The following NR2F1-AS1 variants were observed in gnomAD, a reference collection of about 807,000 sequenced individuals.
The protein encoded by NR2F1-AS1 is NR2F1 regulatory antisense RNA 1.
chr5:93,541,071 G>C (rs762230851), intron 4 of NR2F1-AS1, among the ~76,000 whole-genome samples: 1 of 152,144 alleles, frequency 6.6e-6, no homozygotes, highest in African/African-American at 2.4e-5. Flanking sequence ...TCTACCTGCA[G>C]ATTCTGTCCT....
chr5:93,489,945 A>G (rs1750801851), intron 4 of NR2F1-AS1, among the ~76,000 whole-genome samples: 1 of 152,214 alleles, frequency 6.6e-6, no homozygotes, highest in Non-Finnish European at 1.5e-5. Flanking sequence ...CTTCTGAAAA[A>G]GGAAAATGAA....
intron 4 of NR2F1-AS1, among the ~76,000 whole-genome samples, chr5:93,484,170 T>C (rs543162158): frequency 6.6e-6 from 1 of 152,038 alleles, no homozygotes; most frequent in Admixed American, 6.5e-5. Context: ...AAGGTTGAAA[T>C]GAAGGAAACA....
chr5:93,504,632 G>C (rs1310457049), intron 4 of NR2F1-AS1, among the ~76,000 whole-genome samples: 1 of 151,984 alleles, frequency 6.6e-6, no homozygotes, highest in Non-Finnish European at 1.5e-5. Context: ...CACGGTGGGA[G>C]GCAAAAGGCA....
At position 93,495,109 on chromosome 5, in the gene NR2F1-AS1, T is replaced by G. The variant is rs115114243; in HGVS notation, n.638+58652A>C. Among the ~76,000 whole-genome samples the G allele has an allele frequency of 2.4e-3, 368 of 152,290 alleles. 2 individuals are homozygous for G. Among genetic ancestry groups the G allele is most frequent in the African/African-American group, 8.3e-3 (347 of 41,562 alleles). On this transcript the variant is annotated intron_variant and non_coding_transcript_variant, in intron 4 of 5. Transcript: ENST00000660523. ...TTATATAAATAACTACTTATACAAT[T>G]TGGTGTGGTTTTCTTTGATTCTTTC...
intron 4 of NR2F1-AS1, among the ~76,000 whole-genome samples, chr5:93,434,772 T>C (rs745733195): frequency 1.4e-4 from 21 of 152,326 alleles, no homozygotes; most frequent in Non-Finnish European, 2.5e-4. Context: ...CCTTTGTAAA[T>C]AGTACATGCA....
intron 4 of NR2F1-AS1, among the ~76,000 whole-genome samples, chr5:93,440,796 A>G (rs1749552192): frequency 6.6e-6 from 1 of 152,212 alleles, no homozygotes; most frequent in Non-Finnish European, 1.5e-5. Flanking sequence ...TTGCAGTTTC[A>G]GCACTACCAG....
intron 4 of NR2F1-AS1, among the ~76,000 whole-genome samples, chr5:93,485,913 C>T (rs1221750687): frequency 7.2e-6 from 1 of 139,514 alleles, no homozygotes; most frequent in East Asian, 2.0e-4. Flanking sequence ...CACATATACA[C>T]CATGGAATAC....
chr5:93,445,934 A>C (rs1193704898), intron 4 of NR2F1-AS1, among the ~76,000 whole-genome samples: 1 of 152,232 alleles, frequency 6.6e-6, no homozygotes, highest in African/African-American at 2.4e-5. Context: ...ATATAAACAG[A>C]ACCAAAGATA....
intron 4 of NR2F1-AS1, among the ~76,000 whole-genome samples, chr5:93,452,732 G>C (rs767760046): frequency 6.6e-6 from 1 of 152,134 alleles, no homozygotes; most frequent in Non-Finnish European, 1.5e-5. Flanking sequence ...TAGTACAGGA[G>C]GTATTTGTAG....
chr5:93,461,046 C>T (rs1750079489), intron 4 of NR2F1-AS1, among the ~76,000 whole-genome samples: 1 of 152,190 alleles, frequency 6.6e-6, no homozygotes, highest in Admixed American at 6.6e-5. Flanking sequence ...ATGTTCATTG[C>T]AGCACTTTTC....
intron 4 of NR2F1-AS1, among the ~76,000 whole-genome samples, chr5:93,454,754 C>T (rs1249011324): frequency 6.6e-6 from 1 of 152,124 alleles, no homozygotes; most frequent in African/African-American, 2.4e-5. Flanking sequence ...ATGACTTAAT[C>T]AATCATGCCT....
chr5:93,414,984 T>C (rs569628551), intron 4 of NR2F1-AS1, among the ~76,000 whole-genome samples: 9 of 152,246 alleles, frequency 5.9e-5, no homozygotes, highest in African/African-American at 2.2e-4. Context: ...TTCAGACATA[T>C]TAATGAAGCC....
At chr5:93,465,939 G>A (rs1200195294) in intron 4 of NR2F1-AS1, among the ~76,000 whole-genome samples, 1 of 151,716 alleles carries the variant, frequency 6.6e-6, no homozygotes, top group Admixed American at 6.6e-5. Context: ...TGGGGGGTTG[G>A]GGGAGGGTTA....
At chr5:93,435,957 C>G (rs1749423182) in intron 4 of NR2F1-AS1, among the ~76,000 whole-genome samples, 1 of 152,184 alleles carries the variant, frequency 6.6e-6, no homozygotes, top group Non-Finnish European at 1.5e-5. Context: ...GTTACCCACC[C>G]TACTGCTTCT....
chr5:93,468,237 T>C (rs1209038520), intron 4 of NR2F1-AS1, among the ~76,000 whole-genome samples: 4 of 152,328 alleles, frequency 2.6e-5, no homozygotes, highest in East Asian at 3.9e-4. Flanking sequence ...CACACTGTCT[T>C]CCACAATGGT....
chr5:93,435,957 C>A (rs1749423182), intron 4 of NR2F1-AS1, among the ~76,000 whole-genome samples: 2 of 152,184 alleles, frequency 1.3e-5, no homozygotes, highest in African/African-American at 4.8e-5. Context: ...GTTACCCACC[C>A]TACTGCTTCT....
chr5:93,571,270 G>C (rs1004775268), intron 1 of NR2F1-AS1: 1 of 151,994 alleles, frequency 6.6e-6, no homozygotes, highest in Non-Finnish European at 1.5e-5. Flanking sequence ...CTTCTAAGCA[G>C]GAGTTGCTGA....
At chr5:93,426,740 G>T (rs1005986106) in intron 4 of NR2F1-AS1, among the ~76,000 whole-genome samples, 1 of 152,192 alleles carries the variant, frequency 6.6e-6, no homozygotes, top group Non-Finnish European at 1.5e-5. Flanking sequence ...ATTGCCATCT[G>T]AGAAGAGTGG....
At chr5:93,527,689 G>A (rs1751647754) in intron 4 of NR2F1-AS1, among the ~76,000 whole-genome samples, 1 of 152,058 alleles carries the variant, frequency 6.6e-6, no homozygotes, top group Non-Finnish European at 1.5e-5. Context: ...CAAAAATAAT[G>A]CCACACATCT....
Sources: gnomAD v4.1 joint callset for allele counts (sites outside exome capture counted in the v4.1 genomes callset) on GRCh38, gnomAD v4.1.1 for gene constraint, MANE v1.5 for transcripts, NCBI Gene and HGNC (gene_info 2026-07-23, HGNC 2026-07-21) for gene names.